LRRC18: variants seen among roughly 807,000 people sequenced by gnomAD.
The protein encoded by LRRC18 is leucine rich repeat containing 18.
Under a neutral mutation model 11.2 loss-of-function variants are expected in LRRC18, and 12 were observed. The observed-to-expected ratio is 1.07, with a 90% CI of 0.69 to 1.74. LRRC18 has a LOEUF of 1.74. LRRC18 is among the 40% of genes most tolerant of loss of function. LRRC18 has a pLI of 0.00. For missense variants in LRRC18, 374 were observed against 330.5 expected (o/e 1.13, Z -1.02); for synonymous variants, 155 against 130.6 (o/e 1.19, Z -1.27).
exon 1 of LRRC18, chr10:48,913,886 C>T: frequency 1.2e-6 from 2 of 1,614,164 alleles, no homozygotes; most frequent in Non-Finnish European, 1.7e-6. Context: ...GGCCAATGGA[C>T]TCAGGCAGCT....
the LRRC18 span, among the ~76,000 whole-genome samples, chr10:48,925,212 CCTAA>C: frequency 6.6e-6 from 1 of 152,224 alleles, no homozygotes; most frequent in South Asian, 2.1e-4. Context: ...GGCCAGCTCA[CCTAA>C]CTGTGACCTC....
the LRRC18 span, chr10:48,935,178 C>T: frequency 9.2e-5 from 14 of 152,308 alleles, no homozygotes; most frequent in Admixed American, 6.5e-4. Context: ...AAAACTTACC[C>T]TGCTAGTCCC....
At chr10:48,915,836 C>A (rs1270825830), upstream of LRRC18, among the ~76,000 whole-genome samples, 3 of 152,138 alleles carry the variant, frequency 2.0e-5, no homozygotes, top group Non-Finnish European at 4.4e-5. Context: ...TTTACACAGG[C>A]CTTGTAAGCT....
the LRRC18 span, among the ~76,000 whole-genome samples, chr10:48,924,579 T>C: frequency 7.9e-5 from 12 of 152,368 alleles, no homozygotes; most frequent in South Asian, 2.5e-3. Flanking sequence ...AGCTCAAATA[T>C]AAGAGGTTTC....
the LRRC18 span, among the ~76,000 whole-genome samples, chr10:48,934,876 A>G: frequency 6.6e-6 from 1 of 152,064 alleles, no homozygotes; most frequent in African/African-American, 2.4e-5. Context: ...GTGATCCCCA[A>G]AGCACCAATG....
chr10:48,927,127 C>A, the LRRC18 span, among the ~76,000 whole-genome samples: 1 of 151,990 alleles, frequency 6.6e-6, no homozygotes, highest in Non-Finnish European at 1.5e-5. Context: ...TGATTTTTAC[C>A]GTGTGAGCTC....
At position 48,914,130 on chromosome 10, in the gene LRRC18, T is replaced by C. The variant is rs755944332; in HGVS notation, c.26A>G (p.Lys9Arg). Residue 9 changes from lysine (K) to arginine (R), a missense_variant, in exon 1 of 2, where the codon AAG (lysine) becomes AGG (arginine). By Grantham distance (26) the Lys-to-Arg change is conservative (BLOSUM62 2). Coordinates refer to ENST00000374160, the Ensembl canonical transcript of LRRC18. ...CACCTTGAGGGTGATCTTCTTGCCCTTGGGGCCTTTCTCACCCTTAACCAT... is the reference window on the plus strand; with the variant it reads ...CACCTTGAGGGTGATCTTCTTGCCCCTGGGGCCTTTCTCACCCTTAACCAT... 3 of 1,613,944 alleles carry C rather than the reference T, an allele frequency of 1.9e-6. No individual in the cohort carries two copies. In the African/African-American group the frequency reaches 4.0e-5, roughly 22 times the overall value.
At chr10:48,938,480 GC>G in the LRRC18 span, among the ~76,000 whole-genome samples, 1 of 152,268 alleles carries the variant, frequency 6.6e-6, no homozygotes, top group South Asian at 2.1e-4. Flanking sequence ...TGCTCTGCCA[GC>G]CCCCGATGGA....
chr10:48,939,427 G>A, the LRRC18 span, among the ~76,000 whole-genome samples: 12 of 152,116 alleles, frequency 7.9e-5, no homozygotes, highest in Admixed American at 6.5e-4. Context: ...TGTCTTGCTC[G>A]GGGCCCCCCA....
At chr10:48,938,684 G>A in the LRRC18 span, among the ~76,000 whole-genome samples, 16 of 152,230 alleles carry the variant, frequency 1.1e-4, no homozygotes, top group African/African-American at 3.6e-4. Flanking sequence ...AAGGCCACAT[G>A]GCAGTAGCGC....
chr10:48,915,417 AT>A (rs11413657), upstream of LRRC18, among the ~76,000 whole-genome samples: 144 of 147,760 alleles, frequency 9.7e-4, no homozygotes, highest in African/African-American at 2.8e-3. Context: ...CTGCTTGCTG[AT>A]TTTTTTTTTT....
chr10:48,915,077 C>G (rs1838389833), upstream of LRRC18, among the ~76,000 whole-genome samples: 1 of 152,184 alleles, frequency 6.6e-6, no homozygotes, highest in Admixed American at 6.5e-5. Context: ...CAGCTCTACT[C>G]TACTCACAAT....
chr10:48,920,258 T>A, the LRRC18 span, among the ~76,000 whole-genome samples: 1 of 150,018 alleles, frequency 6.7e-6, no homozygotes, highest in Non-Finnish European at 1.5e-5. Context: ...ACAAAAAAGC[T>A]AGAGCGGACA....
At chr10:48,913,767 A>G (rs771991973) in exon 1 of LRRC18, 1 of 1,614,004 alleles carries the variant, frequency 6.2e-7, no homozygotes, top group Non-Finnish European at 8.5e-7. Context: ...CAGGTGGTTC[A>G]AGCCTAGGTT....
At chr10:48,931,927 G>T in the LRRC18 span, among the ~76,000 whole-genome samples, 2 of 152,202 alleles carry the variant, frequency 1.3e-5, no homozygotes, top group Admixed American at 6.5e-5. Context: ...CTTCTAGATA[G>T]GATGGCCACC....
the LRRC18 span, among the ~76,000 whole-genome samples, chr10:48,938,675 A>G: frequency 1.6e-4 from 25 of 152,338 alleles, no homozygotes; most frequent in East Asian, 3.5e-3. Context: ...GAAGGCCCTA[A>G]GGCCACATGG....
chr10:48,938,630 C>G, the LRRC18 span, among the ~76,000 whole-genome samples: 1 of 152,204 alleles, frequency 6.6e-6, no homozygotes, highest in South Asian at 2.1e-4. Context: ...TATGGGGCAA[C>G]TCAAGGGCAC....
Position 48,914,097 on chromosome 10 carries a change from TTC to T in LRRC18, c.57_58del (p.Asn20LeufsTer7). 1.9e-6 allele frequency: 3 copies of T among 1,614,228 alleles called. No individual in the cohort carries two copies. ...CCCATCAAAAGTGATTTTGATGCAA[TTC>T]CTGGCCACCTTGAGGGTGATCTTCT... is the stretch of plus-strand genomic sequence containing the variant. On this transcript the variant is annotated frameshift_variant, in exon 1 of 2. Coordinates refer to ENST00000374160, the Ensembl canonical transcript of LRRC18. LOFTEE classifies it high-confidence loss of function.
At chr10:48,929,582 C>T in the LRRC18 span, among the ~76,000 whole-genome samples, 1 of 152,244 alleles carries the variant, frequency 6.6e-6, no homozygotes, top group African/African-American at 2.4e-5. Context: ...CACTCACTCT[C>T]CTGGTAAGCC....
Sources: allele counts gnomAD v4.1 joint callset (sites outside exome capture counted in the v4.1 genomes callset), GRCh38; gene constraint gnomAD v4.1.1; transcripts MANE v1.5; gene names NCBI Gene and HGNC (gene_info 2026-07-23, HGNC 2026-07-21).